SHROOM3: variants seen among roughly 807,000 people sequenced by gnomAD.
SHROOM3 encodes protein Shroom3.
Under a neutral mutation model 138.6 loss-of-function variants are expected in SHROOM3, and 47 were observed. The observed-to-expected ratio is 0.34, with a 90% confidence interval of 0.27 to 0.43. SHROOM3 has a LOEUF of 0.43. Among genes scored for constraint, SHROOM3 ranks in the 20% least tolerant of loss-of-function variants. The pLI, the probability that SHROOM3 is intolerant of heterozygous loss-of-function variation, is 1.00. For synonymous variants in SHROOM3, 1,062 were observed against 1,063.3 expected (o/e 1.00, Z 0.02); for missense variants, 2,491 against 2,596.5 (o/e 0.96, Z 0.88).
intron 2 of SHROOM3, among the ~76,000 whole-genome samples, chr4:76,684,289 C>G (rs1202004083): frequency 9.2e-5 from 14 of 152,146 alleles, no homozygotes; most frequent in Admixed American, 9.2e-4. Flanking sequence ...TAACCAGTGA[C>G]CCCCATAGCC....
At chr4:76,759,821 C>A in intron 9 of SHROOM3, 126 bp downstream of exon 9, 1 of 1,099,086 alleles carries the variant, frequency 9.1e-7, no homozygotes, top group Non-Finnish European at 1.4e-6. Context: ...CACCAGATTG[C>A]ACCAAAATCA....
At chr4:76,711,214 A>G (rs888885567) in intron 3 of SHROOM3, among the ~76,000 whole-genome samples, 1 of 152,146 alleles carries the variant, frequency 6.6e-6, no homozygotes, top group Non-Finnish European at 1.5e-5. Flanking sequence ...GCCACTTACC[A>G]TAGACCCTCA....
chr4:76,598,811 T>C (rs970893561), intron 2 of SHROOM3, among the ~76,000 whole-genome samples: 3 of 152,186 alleles, frequency 2.0e-5, no homozygotes, highest in African/African-American at 7.2e-5. Context: ...TGATGGGACA[T>C]TAATAAATAA....
intron 2 of SHROOM3, among the ~76,000 whole-genome samples, chr4:76,606,176 G>A (rs997633118): frequency 1.3e-5 from 2 of 149,656 alleles, no homozygotes; most frequent in South Asian, 4.2e-4. Context: ...ACCACGCCTA[G>A]CTAATTTTTG....
intron 2 of SHROOM3, among the ~76,000 whole-genome samples, chr4:76,605,978 TACACAC>T (rs202126394): frequency 9.8e-6 from 1 of 102,298 alleles, no homozygotes; most frequent in African/African-American, 4.1e-5. Context: ...TATACACATA[TACACAC>T]ACACACATAT....
chr4:76,466,754 C>T (rs1387528352), intron 1 of SHROOM3, among the ~76,000 whole-genome samples: 6 of 152,044 alleles, frequency 3.9e-5, no homozygotes, highest in Non-Finnish European at 7.4e-5. Flanking sequence ...CCAAGAACAA[C>T]GACAAAAACC....
intron 2 of SHROOM3, chr4:76,586,962 G>A (rs1734168003): frequency 6.6e-6 from 1 of 152,072 alleles, no homozygotes; most frequent in South Asian, 2.1e-4. Flanking sequence ...GTTCGACATG[G>A]GTGAATCAAT....
At chr4:76,632,869 T>A (rs572176106) in intron 2 of SHROOM3, among the ~76,000 whole-genome samples, 1 of 152,250 alleles carries the variant, frequency 6.6e-6, no homozygotes, top group African/African-American at 2.4e-5. Context: ...AATACTAATT[T>A]CTTGGATCTG....
intron 2 of SHROOM3, chr4:76,639,531 C>T: frequency 2.5e-6 from 1 of 398,598 alleles, no homozygotes; most frequent in South Asian, 1.3e-4. Flanking sequence ...CCTCCTCTCC[C>T]ATGCCAATCT....
intron 2 of SHROOM3, among the ~76,000 whole-genome samples, chr4:76,634,924 C>G (rs1735447101): frequency 6.6e-6 from 1 of 152,156 alleles, no homozygotes; most frequent in African/African-American, 2.4e-5. Flanking sequence ...ATTCCACACC[C>G]TTTCCTGAAG....
chr4:76,547,042 C>A (rs1265996195), intron 1 of SHROOM3, among the ~76,000 whole-genome samples: 1 of 152,322 alleles, frequency 6.6e-6, no homozygotes, highest in South Asian at 2.1e-4. Flanking sequence ...ACCGGCAGTG[C>A]GTGCCAGCTC....
chr4:76,738,686 A>T, intron 4 of SHROOM3, 75 bp from the exon 5 acceptor site: 8 of 1,545,496 alleles, frequency 5.2e-6, no homozygotes, highest in Non-Finnish European at 7.1e-6. Flanking sequence ...GAACATTTAT[A>T]AGCTGGGTCC....
intron 1 of SHROOM3, among the ~76,000 whole-genome samples, chr4:76,464,729 T>C (rs1354647193): frequency 2.0e-5 from 3 of 152,188 alleles, no homozygotes; most frequent in Admixed American, 6.5e-5. Flanking sequence ...GAGTGAATTC[T>C]CATGAGATCT....
chr4:76,566,165 A>C (rs936511078), intron 2 of SHROOM3, among the ~76,000 whole-genome samples: 1 of 152,030 alleles, frequency 6.6e-6, no homozygotes, highest in Non-Finnish European at 1.5e-5. Context: ...ATCTGTACTG[A>C]AAATGTACAG....
chr4:76,544,056 C>T (rs989962737), intron 1 of SHROOM3, among the ~76,000 whole-genome samples: 2 of 152,148 alleles, frequency 1.3e-5, no homozygotes, highest in Admixed American at 6.5e-5. Flanking sequence ...TTATATTATG[C>T]ACCCATGACT....
chr4:76,571,043 T>A (rs1236672879), intron 2 of SHROOM3, among the ~76,000 whole-genome samples: 1 of 152,234 alleles, frequency 6.6e-6, no homozygotes, highest in African/African-American at 2.4e-5. Context: ...ATTTTTGATT[T>A]GCAAACTTAG....
At chr4:76,723,970 C>A (rs1398292623) in intron 3 of SHROOM3, among the ~76,000 whole-genome samples, 1 of 152,206 alleles carries the variant, frequency 6.6e-6, no homozygotes, top group Non-Finnish European at 1.5e-5. Flanking sequence ...AGAGCTCCAA[C>A]TATAATTTAA....
chr4:76,741,650 A>G lies in SHROOM3; in HGVS notation c.3477A>G (p.Thr1159=). Residue 1159 remains threonine, a synonymous_variant, in exon 5 of 11, where the codon ACA becomes ACG. Coordinates refer to ENST00000296043, the MANE Select transcript of SHROOM3 (RefSeq NM_020859.4). This position sits in a 1 kb window ranked among gnomAD's most constrained non-coding sequence, Gnocchi z 6.2. The part of the protein sequence containing the change: ...PRREATLLPA[T]VAETQQAPRD... ...GGGAGGCCACGCTCCTGCCGGCCAC[A>G]GTTGCAGAAACCCAGCAGGCTCCCC... 1 of 1,547,134 alleles carries G rather than the reference A, an allele frequency of 6.5e-7. No homozygotes were observed. Among genetic ancestry groups the G allele is most frequent in the African/African-American group, 1.4e-5 (1 of 73,560 alleles).
In SHROOM3 at chr4:76,779,144, T is replaced by C. The variant is rs1226962328; in HGVS notation, c.5958T>C (p.Ser1986=). ...EPIPAGGCTF[S]GIFPTLTSPL is the part of the protein sequence containing the mutation. ...TTCCTGCTGGGGGCTGTACTTTCAGTGGTATTTTCCCAACATTAACCTCTC... is the reference window on the plus strand; with the variant it reads ...TTCCTGCTGGGGGCTGTACTTTCAGCGGTATTTTCCCAACATTAACCTCTC... The change falls in exon 11 of 11, where the codon AGT becomes AGC. Residue 1986 remains serine, a synonymous_variant. Transcript: ENST00000296043. 2.5e-6 allele frequency: 4 copies of C among 1,613,400 alleles called. No individual in the cohort carries two copies. The highest frequency in any genetic ancestry group is 2.2e-5 in the South Asian group (2 of 91,042).
Sources: gnomAD v4.1 joint callset for allele counts (sites outside exome capture counted in the v4.1 genomes callset) on GRCh38, gnomAD v4.1.1 for gene constraint, Gnocchi (gnomAD v3.1) non-coding constraint, MANE v1.5 for transcripts, NCBI Gene and HGNC (gene_info 2026-07-23, HGNC 2026-07-21) for gene names.